Variants in CEP63 observed in about 807,000 individuals in gnomAD.
The protein encoded by CEP63 is centrosomal protein of 63 kDa.
CEP63 carries 84 observed loss-of-function variants against 89.1 expected under a neutral mutation model. The ratio of observed to expected loss-of-function variants is 0.94; its 90% CI spans 0.79 to 1.13. The LOEUF (loss-of-function observed/expected upper bound fraction) is 1.13. CEP63 is among the 50% of genes most tolerant of loss of function. The pLI, the probability that CEP63 is intolerant of heterozygous loss-of-function variation, is 0.00. For synonymous variants in CEP63, 267 were observed against 272.5 expected (o/e 0.98, Z 0.20); for missense variants, 838 against 813.3 (o/e 1.03, Z -0.37).
the CEP63 span, among the ~76,000 whole-genome samples, chr3:134,750,616 C>T: frequency 6.6e-6 from 1 of 152,138 alleles, no homozygotes; most frequent in Non-Finnish European, 1.5e-5. Context: ...TGCAGCCTCC[C>T]CTTGGAGACA....
chr3:134,588,581 C>T (rs933643720), downstream of CEP63, among the ~76,000 whole-genome samples: 5 of 151,990 alleles, frequency 3.3e-5, no homozygotes, highest in East Asian at 1.9e-4. Context: ...AAGTTGTGCT[C>T]GCTGGGAAAC....
At chr3:134,651,028 CG>C in the CEP63 span, 1 of 1,602,404 alleles carries the variant, frequency 6.2e-7, no homozygotes, top group Non-Finnish European at 8.5e-7. Flanking sequence ...CAAATGGCCC[CG>C]TGCGCGCAGC....
At chr3:134,507,781 TA>T (rs1943842006) in intron 3 of CEP63, among the ~76,000 whole-genome samples, 1 of 152,088 alleles carries the variant, frequency 6.6e-6, no homozygotes, top group Admixed American at 6.6e-5. Flanking sequence ...AAGAAGAAAA[TA>T]AAAATTACTT....
intron 9 of CEP63, 89 bp downstream of exon 9, chr3:134,547,561 TA>T (rs377327281): frequency 5.8e-5 from 64 of 1,099,666 alleles, no homozygotes; most frequent in Middle Eastern, 4.5e-4. Context: ...ATAGTCATAG[TA>T]AAAAAAATAA....
chr3:134,769,809 G>T, the CEP63 span, among the ~76,000 whole-genome samples: 1 of 152,140 alleles, frequency 6.6e-6, no homozygotes, highest in East Asian at 1.9e-4. Context: ...ATCTAATCTG[G>T]CCTACTTATG....
chr3:134,715,527 TGTTTTTTTTTG>T, the CEP63 span, among the ~76,000 whole-genome samples: 1 of 23,548 alleles, frequency 4.2e-5, no homozygotes, highest in Non-Finnish European at 8.3e-5. Flanking sequence ...TTTTTTTTTT[TGTTTTTTTTTG>T]TTTTTTCCTC....
At chr3:134,603,789 G>A in the CEP63 span, 2 of 1,613,276 alleles carry the variant, frequency 1.2e-6, no homozygotes, top group Non-Finnish European at 1.7e-6. Context: ...GGACATTCCG[G>A]TTGGCAGGAA....
At chr3:134,486,703 C>T (rs1935573512) in intron 1 of CEP63, 1 of 231,538 alleles carries the variant, frequency 4.3e-6, no homozygotes, top group African/African-American at 2.3e-5. Flanking sequence ...CAAGGGGACC[C>T]GCTCATTTAG....
intron 10 of CEP63, among the ~76,000 whole-genome samples, chr3:134,581,798 C>T (rs926086159): frequency 6.8e-6 from 1 of 146,896 alleles, no homozygotes; most frequent in African/African-American, 2.5e-5. Context: ...GCCTCAGCCT[C>T]CCGAGTAGCT....
intron 6 of CEP63, among the ~76,000 whole-genome samples, chr3:134,541,213 G>A (rs1342800206): frequency 6.6e-6 from 1 of 152,076 alleles, no homozygotes; most frequent in Non-Finnish European, 1.5e-5. Flanking sequence ...ATTTTTTATG[G>A]AAGTACAATT....
At chr3:134,552,390 G>A (rs6782128) in intron 12 of CEP63, 105,700 of 159,830 alleles carry the variant, frequency 0.66, 35,359 homozygotes, top group East Asian at 0.81. Context: ...TTCAGTAGAG[G>A]CAGGGTTTCT....
chr3:134,508,611 T>G (rs967454400), intron 3 of CEP63, among the ~76,000 whole-genome samples: 1 of 152,206 alleles, frequency 6.6e-6, no homozygotes, highest in Non-Finnish European at 1.5e-5. Context: ...TATGATAATA[T>G]TTAGTCACTG....
chr3:134,771,492 T>A, the CEP63 span, among the ~76,000 whole-genome samples: 1 of 152,194 alleles, frequency 6.6e-6, no homozygotes, highest in Non-Finnish European at 1.5e-5. Context: ...CCCCCAAAGT[T>A]TCTGATACAG....
the CEP63 span, among the ~76,000 whole-genome samples, chr3:134,716,736 C>T: frequency 6.6e-6 from 1 of 152,210 alleles, no homozygotes; most frequent in Non-Finnish European, 1.5e-5. Flanking sequence ...AGCCACCCCC[C>T]CAATCCAGCC....
chr3:134,541,137 A>G, intron 6 of CEP63, among the ~76,000 whole-genome samples: 1 of 152,316 alleles, frequency 6.6e-6, no homozygotes, highest in African/African-American at 2.4e-5. Context: ...AGTATGAAAT[A>G]TAAGCCCTTT....
chr3:134,608,361 G>C, the CEP63 span: 11 of 1,348,036 alleles, frequency 8.2e-6, no homozygotes, highest in Non-Finnish European at 1.1e-5. Flanking sequence ...CAGCCTTCAA[G>C]TTCTAGGAAA....
the CEP63 span, among the ~76,000 whole-genome samples, chr3:134,770,158 T>G: frequency 6.6e-6 from 1 of 152,242 alleles, no homozygotes; most frequent in South Asian, 2.1e-4. Context: ...GCCCAGATTA[T>G]GGTTCTGAGA....
chr3:134,509,655 A>G (rs183388861), intron 3 of CEP63, among the ~76,000 whole-genome samples: 37 of 152,364 alleles, frequency 2.4e-4, no homozygotes, highest in Admixed American at 2.4e-3. Flanking sequence ...GGAGACTGCC[A>G]TTAAAACACA....
chr3:134,658,689 C>T, the CEP63 span, among the ~76,000 whole-genome samples: 1 of 152,162 alleles, frequency 6.6e-6, no homozygotes, highest in Non-Finnish European at 1.5e-5. Context: ...CACAGACCTA[C>T]AGGGAACGAA....
Sources: gnomAD v4.1 joint callset for allele counts (sites outside exome capture counted in the v4.1 genomes callset) on GRCh38, gnomAD v4.1.1 for gene constraint, MANE v1.5 for transcripts, NCBI Gene and HGNC (gene_info 2026-07-23, HGNC 2026-07-21) for gene names.